GRIP1: variants seen among roughly 807,000 people sequenced by gnomAD.
GRIP1 encodes the protein glutamate receptor-interacting protein 1.
GRIP1 carries 45 observed loss-of-function variants against 129.9 expected under a neutral mutation model. That is an observed-to-expected ratio of 0.35 (90% CI 0.27 to 0.44). The LOEUF (loss-of-function observed/expected upper bound fraction) is 0.44, where lower values mean the gene tolerates loss of function less well. Among genes scored for constraint, GRIP1 ranks in the 20% least tolerant of loss-of-function variants. The pLI is 1.00. For missense variants in GRIP1, 1,196 were observed against 1,396.8 expected, an observed-to-expected ratio of 0.86 and a Z score of 2.29; for synonymous variants, 530 against 520.8, an observed-to-expected ratio of 1.02 and a Z score of -0.24.
At position 66,585,599 on chromosome 12, in the gene GRIP1, G is replaced by A. The variant is rs1322385070; in HGVS notation, c.136+11248C>T. Among the ~76,000 whole-genome samples the A allele has an allele frequency of 9.2e-4, 132 of 143,578 alleles. 1 individual carries two copies. Among genetic ancestry groups the A allele is most frequent in the African/African-American group, 3.2e-3 (126 of 38,922 alleles). The allele number at this position is 143,578 out of a possible 152,430, so 94.2% of individuals were successfully genotyped here. On this transcript the variant is annotated intron_variant, in intron 2 of 24. Coordinates refer to ENST00000359742, the MANE Select transcript of GRIP1 (RefSeq NM_001366722.1). ...TGTCTTTATAGCAGCATGATTTATA[G>A]TCCTTTGGGTATATACCCAGTAATG...
chr12:66,783,717 A>G (rs2038230309), intron 1 of GRIP1, among the ~76,000 whole-genome samples: 1 of 152,160 alleles, frequency 6.6e-6, no homozygotes, highest in African/African-American at 2.4e-5. Flanking sequence ...GAGTCTAGGT[A>G]ACCACTTATA....
chr12:66,424,929 GA>G (rs34851229), intron 14 of GRIP1, among the ~76,000 whole-genome samples: 99,045 of 151,712 alleles, frequency 0.65, 33,747 homozygotes, highest in Non-Finnish European at 0.77. Context: ...CAAACCCTGG[GA>G]AACCCAGAGG....
chr12:67,064,550 G>T, intron 1 of GRIP1, among the ~76,000 whole-genome samples: 1 of 152,144 alleles, frequency 6.6e-6, no homozygotes, highest in Non-Finnish European at 1.5e-5. Flanking sequence ...CTGAAACAAA[G>T]CAGGCCCTAG....
intron 1 of GRIP1, among the ~76,000 whole-genome samples, chr12:66,931,446 A>G (rs547532791): frequency 1.2e-4 from 18 of 152,336 alleles, no homozygotes; most frequent in African/African-American, 4.3e-4. Context: ...AATAATGAAG[A>G]AAGGGAAACT....
At chr12:66,395,868 C>T (rs1179988992) in intron 16 of GRIP1, among the ~76,000 whole-genome samples, 1 of 152,138 alleles carries the variant, frequency 6.6e-6, no homozygotes, top group Admixed American at 6.5e-5. Context: ...GAAGTTGTGG[C>T]CAATAGGCTG....
chr12:66,363,722 A>G (rs576715175), intron 23 of GRIP1, among the ~76,000 whole-genome samples: 34 of 152,192 alleles, frequency 2.2e-4, no homozygotes, highest in African/African-American at 8.2e-4. Flanking sequence ...GTTAAATGAA[A>G]TAAGCCAGGC....
intron 8 of GRIP1, among the ~76,000 whole-genome samples, chr12:66,464,409 G>A (rs17102540): frequency 0.035 from 5,373 of 152,204 alleles, 294 homozygotes; most frequent in African/African-American, 0.12. Context: ...AGACACCCTC[G>A]AAGGTTGTAA....
At chr12:66,843,332 A>G (rs1032243444) in intron 1 of GRIP1, among the ~76,000 whole-genome samples, 10 of 152,164 alleles carry the variant, frequency 6.6e-5, no homozygotes, top group African/African-American at 2.2e-4. Flanking sequence ...ATATTCATGA[A>G]TTGAATATGA....
chr12:66,997,023 G>A (rs2042477455), intron 1 of GRIP1, among the ~76,000 whole-genome samples: 1 of 152,118 alleles, frequency 6.6e-6, no homozygotes, highest in Non-Finnish European at 1.5e-5. Context: ...CCACTGGACA[G>A]AAAGACTAAT....
intron 1 of GRIP1, among the ~76,000 whole-genome samples, chr12:66,689,911 TTTTA>T (rs1281795855): frequency 1.1e-4 from 16 of 152,046 alleles, no homozygotes; most frequent in Middle Eastern, 3.4e-3. Context: ...AATTATTTAT[TTTTA>T]TTTATTTATT....
At chr12:66,693,974 C>G (rs1252348471) in intron 1 of GRIP1, among the ~76,000 whole-genome samples, 1 of 152,190 alleles carries the variant, frequency 6.6e-6, no homozygotes. Context: ...CTCCTAAACA[C>G]TTCTCAATTC....
chr12:66,931,762 A>G (rs1482147951), intron 1 of GRIP1, among the ~76,000 whole-genome samples: 1 of 152,186 alleles, frequency 6.6e-6, no homozygotes, highest in African/African-American at 2.4e-5. Flanking sequence ...AAACATTATG[A>G]CTCAAGATTC....
Position 66,597,019 on chromosome 12 carries a change from G to A in GRIP1, c.56-92C>T, listed in dbSNP as rs145867165. The stretch of plus-strand genomic sequence containing the variant: ...CGGATTGCAATCCTTCTGCGAGAGA[G>A]AAGTGGTACAGTACAGTGGAAAGTG... On this transcript the variant is annotated intron_variant, in intron 1 of 24. Coordinates refer to ENST00000359742, the MANE Select transcript of GRIP1 (RefSeq NM_001366722.1). The A allele has an allele frequency of 3.9e-3, 3,465 of 879,806 alleles. 97 individuals carry two copies. In the African/African-American group the frequency reaches 0.051, roughly 13 times the overall value. The allele number at this position is 879,806 out of a possible 1,614,324, so 54.5% of individuals were successfully genotyped here. A position where few individuals can be genotyped will look rare whatever the true frequency, so the allele number is the denominator to read the frequency against.
intron 1 of GRIP1, among the ~76,000 whole-genome samples, chr12:66,715,512 G>C (rs1445304033): frequency 2.0e-5 from 3 of 149,636 alleles, no homozygotes; most frequent in Non-Finnish European, 3.0e-5. Context: ...GAGAGAGAGA[G>C]AGAGAACTGT....
intron 11 of GRIP1, among the ~76,000 whole-genome samples, chr12:66,451,221 C>T (rs1344143389): frequency 4.0e-5 from 6 of 151,762 alleles, no homozygotes; most frequent in African/African-American, 1.2e-4. Flanking sequence ...CTTGTTCTTC[C>T]TAGTGTAAGA....
chr12:66,784,738 C>T (rs962796719), intron 1 of GRIP1, among the ~76,000 whole-genome samples: 3 of 152,170 alleles, frequency 2.0e-5, no homozygotes, highest in African/African-American at 7.2e-5. Flanking sequence ...TTAAGAGTCA[C>T]ACAAAGCATA....
intron 1 of GRIP1, among the ~76,000 whole-genome samples, chr12:67,055,976 G>T (rs575576833): frequency 6.6e-6 from 1 of 152,242 alleles, no homozygotes; most frequent in Non-Finnish European, 1.5e-5. Context: ...ATCTGTCTAA[G>T]GGGGAGCTAA....
chr12:66,935,967 G>C (rs1427972155), intron 1 of GRIP1, among the ~76,000 whole-genome samples: 1 of 152,178 alleles, frequency 6.6e-6, no homozygotes, highest in Non-Finnish European at 1.5e-5. Flanking sequence ...TAGAAGTACA[G>C]AGACCTTCTC....
intron 1 of GRIP1, among the ~76,000 whole-genome samples, chr12:66,781,604 C>T (rs1205733200): frequency 6.6e-6 from 1 of 152,062 alleles, no homozygotes; most frequent in East Asian, 1.9e-4. Context: ...CTCCCTCTAA[C>T]CTAGGACAAA....
Sources: allele counts gnomAD v4.1 joint callset (sites outside exome capture counted in the v4.1 genomes callset), GRCh38; gene constraint gnomAD v4.1.1; transcripts MANE v1.5; gene names NCBI Gene and HGNC (gene_info 2026-07-23, HGNC 2026-07-21).